FAM107B: variants seen among roughly 807,000 people sequenced by gnomAD.
The protein encoded by FAM107B is protein FAM107B.
FAM107B carries 21 observed loss-of-function variants against 31.5 expected under a neutral mutation model. The observed-to-expected ratio is 0.67, with a 90% CI of 0.47 to 0.96. The LOEUF (loss-of-function observed/expected upper bound fraction) is 0.96. Ranked by LOEUF, FAM107B falls within the 40% of genes least tolerant of loss-of-function variation. FAM107B has a pLI of 0.00. For missense variants in FAM107B, 452 were observed against 377.1 expected, an observed-to-expected ratio of 1.20 and a Z score of -1.64; for synonymous variants, 157 against 141.5, an observed-to-expected ratio of 1.11 and a Z score of -0.78.
chr10:14,749,745 C>A (rs183673442), intron 1 of FAM107B, among the ~76,000 whole-genome samples: 1 of 152,300 alleles, frequency 6.6e-6, no homozygotes, highest in Non-Finnish European at 1.5e-5. Context: ...ATCCTCCCTA[C>A]CATCCCGCTG....
intron 2 of FAM107B, among the ~76,000 whole-genome samples, chr10:14,567,338 G>C (rs1240950271): frequency 6.6e-6 from 1 of 152,134 alleles, no homozygotes; most frequent in African/African-American, 2.4e-5. Context: ...AATGGCCTTC[G>C]CACGACTGTC....
chr10:14,548,399 A>T, intron 2 of FAM107B: 1 of 985,034 alleles, frequency 1.0e-6, no homozygotes, highest in South Asian at 4.7e-5. Context: ...GTGCCCTTGT[A>T]CACAGGTCTG....
intron 2 of FAM107B, among the ~76,000 whole-genome samples, chr10:14,605,390 A>T (rs1588654384): frequency 6.6e-6 from 1 of 152,368 alleles, no homozygotes; most frequent in Non-Finnish European, 1.5e-5. Context: ...CAGCGTAGCA[A>T]AAAGGACAAC....
At chr10:14,714,337 C>T (rs534594477) in intron 1 of FAM107B, among the ~76,000 whole-genome samples, 1 of 152,244 alleles carries the variant, frequency 6.6e-6, no homozygotes, top group African/African-American at 2.4e-5. Context: ...AGCTCAGGGA[C>T]TTTACAAGTC....
intron 2 of FAM107B, among the ~76,000 whole-genome samples, chr10:14,575,186 C>T (rs1438356039): frequency 6.6e-6 from 1 of 150,614 alleles, no homozygotes; most frequent in Admixed American, 6.6e-5. Flanking sequence ...GGGGATCACA[C>T]GCTAAAGAAG....
At chr10:14,749,228 GA>G (rs1286534902) in intron 1 of FAM107B, among the ~76,000 whole-genome samples, 3 of 152,090 alleles carry the variant, frequency 2.0e-5, no homozygotes, top group Non-Finnish European at 4.4e-5. Flanking sequence ...CCACTTAGAA[GA>G]AACAAAAACC....
chr10:14,563,471 C>T (rs934710263), intron 2 of FAM107B, among the ~76,000 whole-genome samples: 1 of 152,038 alleles, frequency 6.6e-6, no homozygotes, highest in Non-Finnish European at 1.5e-5. Flanking sequence ...CCTGTAATAA[C>T]TTTTTCAATA....
chr10:14,556,415 G>C (rs1442311705), intron 2 of FAM107B: 1 of 985,338 alleles, frequency 1.0e-6, no homozygotes, highest in Non-Finnish European at 1.2e-6. Context: ...GCTGAAAAAG[G>C]AAATACACCA....
chr10:14,576,796 A>G (rs1409875288), intron 2 of FAM107B, among the ~76,000 whole-genome samples: 28 of 152,222 alleles, frequency 1.8e-4, no homozygotes, highest in Admixed American at 1.8e-3. Context: ...AAACCGTTTT[A>G]TTAGAAAAGT....
intron 2 of FAM107B, among the ~76,000 whole-genome samples, chr10:14,573,576 C>CAAAAAAA (rs774786735): frequency 8.2e-6 from 1 of 122,052 alleles, no homozygotes; most frequent in Non-Finnish European, 1.6e-5. Context: ...ATTAAAAATA[C>CAAAAAAA]AAAAAAAAAA....
In FAM107B at chr10:14,682,714, G is replaced by A. The variant is rs151265741; in HGVS notation, c.412-15023C>T. Among the ~76,000 whole-genome samples the A allele has an allele frequency of 2.7e-3, 418 of 152,018 alleles. 6 individuals carry two copies. In the East Asian group the frequency reaches 0.037, roughly 13 times the overall value. ...AATGAGAACACATGGACACAGGGAG[G>A]GGAACATCACACAGCAGGGCATGTC... On this transcript the variant is annotated intron_variant, in intron 1 of 4. Transcript: ENST00000181796.
At chr10:14,761,011 C>T (rs980365917) in intron 1 of FAM107B, among the ~76,000 whole-genome samples, 41 of 77,608 alleles carry the variant, frequency 5.3e-4, no homozygotes, top group African/African-American at 1.6e-3. Flanking sequence ...GACTCCGTTT[C>T]AAAAAAAAAA....
intron 2 of FAM107B, among the ~76,000 whole-genome samples, chr10:14,656,172 C>G (rs1386104483): frequency 1.3e-5 from 2 of 152,146 alleles, no homozygotes; most frequent in African/African-American, 4.8e-5. Context: ...CTCCTAGATA[C>G]AAATTCTGGA....
At chr10:14,689,536 G>C (rs773063842) in intron 1 of FAM107B, among the ~76,000 whole-genome samples, 4 of 152,156 alleles carry the variant, frequency 2.6e-5, no homozygotes, top group Admixed American at 1.3e-4. Flanking sequence ...GGTAATGAGA[G>C]GTAAGTACGA....
chr10:14,750,285 A>G (rs1291044865), intron 1 of FAM107B, among the ~76,000 whole-genome samples: 1 of 152,210 alleles, frequency 6.6e-6, no homozygotes, highest in African/African-American at 2.4e-5. Context: ...ACGGAAAGAC[A>G]TAAACATAGA....
intron 2 of FAM107B, among the ~76,000 whole-genome samples, chr10:14,568,527 T>C (rs59724807): frequency 3.0e-3 from 87 of 29,312 alleles, no homozygotes; most frequent in South Asian, 5.9e-3. Flanking sequence ...GCTGATGATC[T>C]CAGGGTTAGA....
chr10:14,620,700 G>A (rs1852988594), intron 2 of FAM107B, among the ~76,000 whole-genome samples: 1 of 151,976 alleles, frequency 6.6e-6, no homozygotes, highest in Non-Finnish European at 1.5e-5. Flanking sequence ...TCCCCCCACA[G>A]GCCCTGGTGT....
At chr10:14,640,055 A>G (rs777830262) in intron 2 of FAM107B, among the ~76,000 whole-genome samples, 4 of 152,202 alleles carry the variant, frequency 2.6e-5, no homozygotes, top group Non-Finnish European at 4.4e-5. Context: ...ATCTGTTAAT[A>G]ATACACAGCT....
intron 2 of FAM107B, among the ~76,000 whole-genome samples, chr10:14,544,270 C>G (rs2130996129): frequency 6.6e-6 from 1 of 152,278 alleles, no homozygotes; most frequent in African/African-American, 2.4e-5. Context: ...TAAAAGTAAG[C>G]CAATGTTTAT....
Sources: gnomAD v4.1 joint callset for allele counts (sites outside exome capture counted in the v4.1 genomes callset) on GRCh38, gnomAD v4.1.1 for gene constraint, MANE v1.5 for transcripts, NCBI Gene and HGNC (gene_info 2026-07-23, HGNC 2026-07-21) for gene names.